Variants in CYRIB observed in about 807,000 individuals in gnomAD.
CYRIB encodes CYFIP related Rac1 interactor B, also known as CYFIP-related Rac1 interactor B.
Under a neutral mutation model 44.2 loss-of-function variants are expected in CYRIB, and 8 were observed. That is an observed-to-expected ratio of 0.18 (90% CI 0.11 to 0.33). CYRIB has a LOEUF of 0.33. CYRIB is among the 10% of genes least tolerant of loss of function. The pLI, the probability that CYRIB is intolerant of heterozygous loss-of-function variation, is 1.00. For missense variants in CYRIB, 185 were observed against 382.8 expected, an observed-to-expected ratio of 0.48 and a Z score of 4.31; for synonymous variants, 131 against 127.2, an observed-to-expected ratio of 1.03 and a Z score of -0.20.
intron 1 of CYRIB, among the ~76,000 whole-genome samples, chr8:129,990,253 A>G (rs148982455): frequency 2.6e-5 from 4 of 152,294 alleles, no homozygotes; most frequent in East Asian, 3.9e-4. Flanking sequence ...TATACATACA[A>G]ACATGTTTAT....
intron 1 of CYRIB, among the ~76,000 whole-genome samples, chr8:129,976,586 G>A (rs1222748082): frequency 6.6e-6 from 1 of 152,116 alleles, no homozygotes; most frequent in Non-Finnish European, 1.5e-5. Context: ...TCCCATTCAA[G>A]GAGGCCTTGC....
chr8:129,861,785 T>C (rs892045873), intron 5 of CYRIB, among the ~76,000 whole-genome samples: 2 of 152,132 alleles, frequency 1.3e-5, no homozygotes, highest in Non-Finnish European at 2.9e-5. Flanking sequence ...GATACATGAA[T>C]TAAGCGTAAC....
At chr8:129,849,094 G>A in intron 10 of CYRIB, 149 bp downstream of exon 12, 1 of 639,184 alleles carries the variant, frequency 1.6e-6, no homozygotes, top group East Asian at 3.1e-5. Context: ...AAACAGCACA[G>A]GGACAGAGGA....
intron 5 of CYRIB, among the ~76,000 whole-genome samples, chr8:129,857,369 G>A (rs1231754311): frequency 1.3e-5 from 2 of 152,186 alleles, no homozygotes; most frequent in Non-Finnish European, 2.9e-5. Flanking sequence ...TATGTAGTAA[G>A]GATGAACATG....
At chr8:129,987,234 C>T (rs1248229300) in intron 1 of CYRIB, among the ~76,000 whole-genome samples, 1 of 152,218 alleles carries the variant, frequency 6.6e-6, no homozygotes, top group Non-Finnish European at 1.5e-5. Context: ...CCTGGATCAG[C>T]CATGCCTAAC....
intron 2 of CYRIB, among the ~76,000 whole-genome samples, chr8:129,895,028 C>T (rs934626273): frequency 6.7e-6 from 1 of 149,266 alleles, no homozygotes; most frequent in Admixed American, 6.7e-5. Flanking sequence ...ACCTCAACCA[C>T]CCTGGCTCAA....
intron 10 of CYRIB, 37 bp from the exon 13 acceptor site, chr8:129,846,911 T>A (rs1182147303): frequency 7.7e-7 from 1 of 1,298,310 alleles, no homozygotes. Context: ...AAAACAGCCA[T>A]TTTTTTCATG....
chr8:129,967,371 G>GT (rs141858487), intron 2 of CYRIB, among the ~76,000 whole-genome samples: 5 of 141,434 alleles, frequency 3.5e-5, no homozygotes, highest in African/African-American at 1.2e-4. Context: ...GTTTTGTTTT[G>GT]TTTTTTTGTT....
intron 4 of CYRIB, among the ~76,000 whole-genome samples, chr8:129,866,620 T>A (rs1358070978): frequency 1.3e-5 from 2 of 152,216 alleles, no homozygotes; most frequent in Non-Finnish European, 2.9e-5. Context: ...TAGACAAAAG[T>A]TAAAATTTTA....
intron 1 of CYRIB, among the ~76,000 whole-genome samples, chr8:129,973,553 G>C (rs1427117377): frequency 6.6e-6 from 1 of 152,238 alleles, no homozygotes; most frequent in Non-Finnish European, 1.5e-5. Flanking sequence ...GCATGCTGAA[G>C]TCGGCTCCAG....
intron 2 of CYRIB, among the ~76,000 whole-genome samples, chr8:129,880,109 A>G (rs1417699796): frequency 2.6e-5 from 4 of 152,226 alleles, no homozygotes; most frequent in Non-Finnish European, 5.9e-5. Context: ...AAAGCATACT[A>G]TTAGAATGTT....
chr8:130,008,889 G>C (rs939881503), intron 1 of CYRIB, among the ~76,000 whole-genome samples: 1 of 152,164 alleles, frequency 6.6e-6, no homozygotes, highest in Non-Finnish European at 1.5e-5. Context: ...CTTCAACTCT[G>C]GTTTTGAGCA....
chr8:129,850,388 AAG>A (rs945387918), intron 9 of CYRIB: 2 of 158,138 alleles, frequency 1.3e-5, no homozygotes, highest in African/African-American at 4.8e-5. Context: ...AAAAAAAGAA[AAG>A]AGTGACAATT....
intron 2 of CYRIB, chr8:129,894,420 G>A (rs2066885564): frequency 6.6e-6 from 1 of 152,184 alleles, no homozygotes; most frequent in Admixed American, 6.5e-5. Flanking sequence ...CATCTGTGAA[G>A]TGTATATGCA....
At chr8:129,857,291 G>T (rs896711661) in intron 5 of CYRIB, among the ~76,000 whole-genome samples, 3 of 152,096 alleles carry the variant, frequency 2.0e-5, no homozygotes, top group Admixed American at 1.3e-4. Context: ...ATAAAAATAA[G>T]ACCTCACCTA....
At chr8:129,960,727 G>A (rs2095202357) in intron 2 of CYRIB, among the ~76,000 whole-genome samples, 2 of 148,544 alleles carry the variant, frequency 1.3e-5, no homozygotes, top group South Asian at 4.2e-4. Flanking sequence ...CGAGGCAGGC[G>A]GATCACAAGG....
intron 1 of CYRIB, among the ~76,000 whole-genome samples, chr8:129,987,556 C>CTTTTTTTTT (rs35721101): frequency 7.1e-6 from 1 of 140,808 alleles, no homozygotes; most frequent in Non-Finnish European, 1.5e-5. Flanking sequence ...TTTTTCTTGT[C>CTTTTTTTTT]TTTTTTTTTT....
rs111588660 is a variant in CYRIB, at chr8:129,991,086, C to T, written c.-295-20091G>A. ...GGTGAGGGTTGCAGTGAGCCGAGAT[C>T]GCACCACTGCACTCCAGCCTGGGCA... On this transcript the variant is annotated intron_variant, in intron 1 of 14. Coordinates refer to the CYRIB transcript ENST00000401979. Among the ~76,000 whole-genome samples the T allele has an allele frequency of 9.9e-3, 1,427 of 143,856 alleles. 10 individuals are homozygous for T. The highest frequency in any genetic ancestry group is 0.015 in the Non-Finnish European group (978 of 67,088). 94.4% of individuals were successfully genotyped at this position (143,856 alleles called of 152,430 possible). A position where few individuals can be genotyped will look rare whatever the true frequency, so the allele number is the denominator to read the frequency against.
At chr8:129,878,697 C>T (rs1334024803) in intron 3 of CYRIB, among the ~76,000 whole-genome samples, 2 of 152,076 alleles carry the variant, frequency 1.3e-5, no homozygotes, top group Non-Finnish European at 2.9e-5. Context: ...CAACATGCAC[C>T]AAGGTCAATG....
Sources: allele counts gnomAD v4.1 joint callset (sites outside exome capture counted in the v4.1 genomes callset), GRCh38; gene constraint gnomAD v4.1.1; transcripts MANE v1.5; gene names NCBI Gene and HGNC (gene_info 2026-07-23, HGNC 2026-07-21).